COQ10B: variants seen among roughly 807,000 people sequenced by gnomAD.
COQ10B encodes coenzyme Q-binding protein COQ10 homolog B, mitochondrial.
A neutral mutation model predicts 27.6 loss-of-function variants in COQ10B; 12 were observed. The ratio of observed to expected loss-of-function variants is 0.43; its 90% CI spans 0.28 to 0.70. The LOEUF is 0.70. COQ10B is among the 30% of genes least tolerant of loss of function. The pLI is 0.17. For missense variants in COQ10B, 278 were observed against 288.7 expected (o/e 0.96, Z 0.27); for synonymous variants, 115 against 103.0 (o/e 1.12, Z -0.71).
intron 1 of COQ10B, among the ~76,000 whole-genome samples, chr2:197,455,629 C>T (rs2085689230): frequency 6.6e-6 from 1 of 151,684 alleles, no homozygotes; most frequent in South Asian, 2.1e-4. Flanking sequence ...TGGGCCACTG[C>T]ACTCATTCCT....
chr2:197,465,389 A>G (rs1033014496), intron 3 of COQ10B, among the ~76,000 whole-genome samples: 1 of 151,102 alleles, frequency 6.6e-6, no homozygotes, highest in Non-Finnish European at 1.5e-5. Context: ...TCCCGGATTC[A>G]AGTGATTCTC....
chr2:197,465,289 C>CTT (rs58319806), intron 3 of COQ10B, among the ~76,000 whole-genome samples: 15 of 143,076 alleles, frequency 1.0e-4, no homozygotes, highest in African/African-American at 3.8e-4. Flanking sequence ...TCCCTGCCGC[C>CTT]TTTTTTTTTT....
intron 3 of COQ10B, among the ~76,000 whole-genome samples, chr2:197,464,066 TACACACAC>T (rs138340315): frequency 1.9e-5 from 2 of 107,282 alleles, no homozygotes; most frequent in African/African-American, 6.4e-5. Flanking sequence ...TATATATATA[TACACACAC>T]ACACACATAT....
At chr2:197,467,432 C>T (rs1038935474) in intron 3 of COQ10B, among the ~76,000 whole-genome samples, 1 of 151,828 alleles carries the variant, frequency 6.6e-6, no homozygotes, top group African/African-American at 2.4e-5. Context: ...GGCTGGAGTG[C>T]AATGGCGCAA....
In COQ10B at chr2:197,464,050, T is replaced by C. The variant is rs528563686; in HGVS notation, c.447+1319T>C. 7.2e-4 allele frequency among the ~76,000 whole-genome samples: 69 copies of C among 96,260 alleles called. 1 individual carries two copies. The South Asian group carries it at 0.016, about 22-fold the overall frequency. 63.2% of individuals were successfully genotyped at this position (96,260 alleles called of 152,430 possible). A position where few individuals can be genotyped will look rare whatever the true frequency, so the allele number is the denominator to read the frequency against. ...ACATACATACACACACATATATATA[T>C]ACGTATATATATATATACACACACA... On this transcript the variant is annotated intron_variant, in intron 3 of 4. Coordinates refer to ENST00000263960, the MANE Select transcript of COQ10B (RefSeq NM_025147.5).
At chr2:197,463,332 C>T (rs937464013) in intron 3 of COQ10B, among the ~76,000 whole-genome samples, 2 of 151,564 alleles carry the variant, frequency 1.3e-5, no homozygotes, top group Non-Finnish European at 2.9e-5. Context: ...ATTAGCCGGG[C>T]GTAGTGGTGC....
intron 1 of COQ10B, among the ~76,000 whole-genome samples, chr2:197,458,208 G>A (rs1374648689): frequency 6.6e-6 from 1 of 150,820 alleles, no homozygotes; most frequent in East Asian, 1.9e-4. Context: ...ATATATGTAT[G>A]TACATATGTA....
chr2:197,453,967 C>T (rs2106042271), intron 1 of COQ10B: 2 of 1,550,742 alleles, frequency 1.3e-6, no homozygotes, highest in Non-Finnish European at 1.7e-6. Flanking sequence ...TCCCCTATGG[C>T]TTGTTGCTAC....
At position 197,471,896 on chromosome 2, in the gene COQ10B, C is replaced by T. The variant is rs553415870; in HGVS notation, c.549+1725C>T. On this transcript the variant is annotated intron_variant, in intron 4 of 4. Coordinates refer to ENST00000263960, the MANE Select transcript of COQ10B (RefSeq NM_025147.5). ...AGTGGACGTTGCAGTGATCTGAGATCGTACCACTGCACTCCAACCTGGGTG... is the reference window on the plus strand; with the variant it reads ...AGTGGACGTTGCAGTGATCTGAGATTGTACCACTGCACTCCAACCTGGGTG... 2.7e-5 allele frequency among the ~76,000 whole-genome samples: 4 copies of T among 148,852 alleles called. No individual in the cohort carries two copies. The East Asian group carries it at 6.0e-4, about 22-fold the overall frequency.
chr2:197,454,474 A>G (rs1321889385), intron 1 of COQ10B, among the ~76,000 whole-genome samples: 2 of 152,158 alleles, frequency 1.3e-5, no homozygotes, highest in Non-Finnish European at 2.9e-5. Context: ...CCCTACTGGA[A>G]ACAAGGAAAT....
chr2:197,469,303 C>T (rs1276282322), intron 3 of COQ10B, among the ~76,000 whole-genome samples: 1 of 152,246 alleles, frequency 6.6e-6, no homozygotes, highest in Non-Finnish European at 1.5e-5. Context: ...CTCCTGGGCT[C>T]AAGTGATCCC....
rs1161758409 is a variant in COQ10B, at chr2:197,473,415, A to AATATATAT, written c.550-322_550-315dup. 9.8e-3 allele frequency among the ~76,000 whole-genome samples: 582 copies of AATATATAT among 59,238 alleles called. 4 individuals carry two copies. Among genetic ancestry groups the AATATATAT allele is most frequent in the Non-Finnish European group, 0.012 (422 of 34,000 alleles). The allele number at this position is 59,238 out of a possible 152,430, so 38.9% of individuals were successfully genotyped here. A position where few individuals can be genotyped will look rare whatever the true frequency, so the allele number is the denominator to read the frequency against. On this transcript the variant is annotated intron_variant, in intron 4 of 4. Coordinates refer to ENST00000263960, the MANE Select transcript of COQ10B (RefSeq NM_025147.5). Reference sequence around the variant, plus strand: ...CGCCCCCCCCCACAAAAAAAAAAAAAATATATATATATATATATATATATA... The same window carrying AATATATAT: ...CGCCCCCCCCCACAAAAAAAAAAAAAATATATATATATATATATATATATATATATATA...
At chr2:197,465,562 G>T (rs1273570435) in intron 3 of COQ10B, among the ~76,000 whole-genome samples, 1 of 152,132 alleles carries the variant, frequency 6.6e-6, no homozygotes, top group Non-Finnish European at 1.5e-5. Flanking sequence ...AAAGTGCTGG[G>T]ATTACAGCCA....
Position 197,474,067 on chromosome 2 carries a change from C to A in COQ10B, c.*143C>A. On this transcript the variant is annotated 3_prime_UTR_variant, in exon 5 of 5. Coordinates refer to ENST00000263960, the MANE Select transcript of COQ10B (RefSeq NM_025147.5). ...AAACCTGCACCATTGAAAATTTGCA[C>A]ATAGAATATAGACTCACTTGTACAT... is the stretch of plus-strand genomic sequence containing the variant. The A allele has an allele frequency of 4.1e-6, 2 of 492,912 alleles. No homozygotes were observed. Among genetic ancestry groups the A allele is most frequent in the Non-Finnish European group, 3.4e-6 (1 of 295,500 alleles). The allele number at this position is 492,912 out of a possible 1,614,324, so 30.5% of individuals were successfully genotyped here.
chr2:197,463,092 A>G (rs1409545855), intron 3 of COQ10B, among the ~76,000 whole-genome samples: 1 of 152,180 alleles, frequency 6.6e-6, no homozygotes, highest in African/African-American at 2.4e-5. Context: ...AAATTTGTTT[A>G]CTAAATATAT....
intron 1 of COQ10B, among the ~76,000 whole-genome samples, chr2:197,456,540 G>A (rs554444409): frequency 5.4e-4 from 82 of 151,554 alleles, no homozygotes; most frequent in Middle Eastern, 3.4e-3. Flanking sequence ...TGAGGTGGGC[G>A]GATCACAAGG....
chr2:197,470,091 CTT>C lies in COQ10B; in HGVS notation c.472_473del (p.Phe158GlnfsTer10). 6.2e-7 allele frequency: 1 copy of C among 1,612,482 alleles called. No homozygotes were observed. The highest frequency in any genetic ancestry group is 8.5e-7 in the Non-Finnish European group (1 of 1,178,736). ...GTAGGCATCTTGTACTGATGGGAGA[CTT>C]TTCAATCATTTGGAGACTATTTGGC... ...LVKASCTDGR[L>X]FNHLETIWRF... On this transcript the variant is annotated frameshift_variant, in exon 4 of 5. Transcript: ENST00000263960. LOFTEE classifies it high-confidence loss of function.
intron 1 of COQ10B, among the ~76,000 whole-genome samples, chr2:197,456,483 TGCTG>T (rs1464899239): frequency 1.6e-5 from 2 of 128,758 alleles, no homozygotes; most frequent in Non-Finnish European, 3.3e-5. Flanking sequence ...AAGTTGATCT[TGCTG>T]GGCGCAGTGG....
intron 3 of COQ10B, among the ~76,000 whole-genome samples, chr2:197,465,550 C>G (rs757232095): frequency 6.6e-6 from 1 of 152,132 alleles, no homozygotes; most frequent in South Asian, 2.1e-4. Flanking sequence ...CCTTGGCCTC[C>G]CAAAGTGCTG....
Sources: gnomAD v4.1 joint callset for allele counts (sites outside exome capture counted in the v4.1 genomes callset) on GRCh38, gnomAD v4.1.1 for gene constraint, MANE v1.5 for transcripts, NCBI Gene and HGNC (gene_info 2026-07-23, HGNC 2026-07-21) for gene names.